IQGAP2: variants seen among roughly 807,000 people sequenced by gnomAD.
IQGAP2 encodes the protein ras GTPase-activating-like protein IQGAP2.
IQGAP2 carries 173 observed loss-of-function variants against 201.3 expected under a neutral mutation model. That is an observed-to-expected ratio of 0.86 (90% CI 0.76 to 0.98). The LOEUF (loss-of-function observed/expected upper bound fraction) is 0.98. Among genes scored for constraint, IQGAP2 ranks in the 50% least tolerant of loss-of-function variants. IQGAP2 has a pLI of 0.00. For synonymous variants in IQGAP2, 675 were observed against 673.9 expected (o/e 1.00, Z -0.03); for missense variants, 1,687 against 1,864.8 (o/e 0.90, Z 1.76).
chr5:76,653,403 G>C (rs1752668444), intron 18 of IQGAP2, among the ~76,000 whole-genome samples: 1 of 152,108 alleles, frequency 6.6e-6, no homozygotes. Context: ...CAAGTCTCCA[G>C]CTTGGAAATC....
intron 4 of IQGAP2, among the ~76,000 whole-genome samples, chr5:76,571,258 G>A (rs999307814): frequency 6.6e-6 from 1 of 151,968 alleles, no homozygotes; most frequent in Non-Finnish European, 1.5e-5. Context: ...TACCACCTCC[G>A]CCTCCCATGT....
At chr5:76,602,175 T>C (rs945082725) in intron 11 of IQGAP2, among the ~76,000 whole-genome samples, 2 of 152,228 alleles carry the variant, frequency 1.3e-5, no homozygotes, top group African/African-American at 4.8e-5. Context: ...TTCTCACTTT[T>C]GCTTCTGTAG....
chr5:76,507,525 A>C (rs1052219359), intron 2 of IQGAP2, among the ~76,000 whole-genome samples: 1 of 152,232 alleles, frequency 6.6e-6, no homozygotes, highest in African/African-American at 2.4e-5. Flanking sequence ...CTGTGAAAGA[A>C]AGAATCGATA....
At chr5:76,625,626 G>A (rs776384898) in intron 13 of IQGAP2, among the ~76,000 whole-genome samples, 1 of 152,168 alleles carries the variant, frequency 6.6e-6, no homozygotes. Context: ...TAGCCCAGAT[G>A]TTGCACGATG....
intron 22 of IQGAP2, among the ~76,000 whole-genome samples, chr5:76,667,877 C>CTTTTTTTTTTTTTTTTTTTTTTTTTTTT (rs540744402): frequency 1.6e-4 from 20 of 123,428 alleles, no homozygotes; most frequent in African/African-American, 5.9e-4. Context: ...AGTCCACTTT[C>CTTTTTTTTTTTTTTTTTTTTTTTTTTTT]TTTTTTTTTT....
chr5:76,496,748 T>TCTTTCTTTCTTTCTTTCTTTC (rs1756963852), intron 2 of IQGAP2, among the ~76,000 whole-genome samples: 1 of 61,336 alleles, frequency 1.6e-5, no homozygotes, highest in African/African-American at 9.0e-5. Flanking sequence ...TTTCTTTCTT[T>TCTTTCTTTCTTTCTTTCTTTC]CTTTCTTTCT....
At chr5:76,441,167 T>C (rs1400905520) in intron 1 of IQGAP2, among the ~76,000 whole-genome samples, 1 of 152,226 alleles carries the variant, frequency 6.6e-6, no homozygotes, top group South Asian at 2.1e-4. Context: ...AATAGTACTT[T>C]ATTCACACAG....
intron 4 of IQGAP2, among the ~76,000 whole-genome samples, chr5:76,572,126 A>G (rs1183178684): frequency 6.6e-6 from 1 of 152,074 alleles, no homozygotes; most frequent in East Asian, 1.9e-4. Context: ...GTATCCTTTG[A>G]GTCACATCGT....
intron 12 of IQGAP2, among the ~76,000 whole-genome samples, chr5:76,608,487 G>A (rs184844880): frequency 6.6e-6 from 1 of 152,206 alleles, no homozygotes; most frequent in African/African-American, 2.4e-5. Context: ...TTGTAACCAG[G>A]CAGGAATTGC....
intron 33 of IQGAP2, among the ~76,000 whole-genome samples, chr5:76,700,483 T>C (rs1747272339): frequency 6.6e-6 from 1 of 150,384 alleles, no homozygotes; most frequent in Non-Finnish European, 1.5e-5. Context: ...GCCTGGGCAA[T>C]AGAGCAAGAT....
At chr5:76,607,184 A>C (rs994625235) in intron 12 of IQGAP2, 5 of 152,204 alleles carry the variant, frequency 3.3e-5, no homozygotes, top group Admixed American at 6.5e-5. Flanking sequence ...GTAAGGTCTT[A>C]GGTCTGGTCT....
intron 21 of IQGAP2, chr5:76,659,931 CA>C (rs35439040): frequency 0.74 from 111,063 of 150,380 alleles, 41,627 homozygotes; most frequent in Non-Finnish European, 0.81. Flanking sequence ...CATCAGGGCT[CA>C]AAAAAAAAAA....
intron 2 of IQGAP2, among the ~76,000 whole-genome samples, chr5:76,519,502 C>A (rs541988851): frequency 6.6e-6 from 1 of 152,104 alleles, no homozygotes; most frequent in Non-Finnish European, 1.5e-5. Flanking sequence ...CATAGACATT[C>A]GTATACAGAG....
chr5:76,600,872 C>G lies in IQGAP2; in HGVS notation c.1132C>G (p.Leu378Val), dbSNP rs376410723. The G allele has an allele frequency of 4.7e-5, 76 of 1,613,976 alleles. No homozygotes were observed. Among genetic ancestry groups the G allele is most frequent in the Admixed American group, 1.0e-4 (6 of 59,966 alleles). Residue 378 changes from leucine (L) to valine (V), a missense_variant, in exon 11 of 36, where the codon CTA (leucine) becomes GTA (valine). By Grantham distance (32) the Leu-to-Val change is conservative. Transcript: ENST00000274364. ...GGAAATGTTGTCTGCTGTTGCTTTACTAAACCAGGCCTTGGAAAGCAACGA... is the reference window on the plus strand; with the variant it reads ...GGAAATGTTGTCTGCTGTTGCTTTAGTAAACCAGGCCTTGGAAAGCAACGA... Reference protein sequence around the residue: ...AVEMLSAVALLNQALESNDLV... With the variant: ...AVEMLSAVALVNQALESNDLV...
chr5:76,600,157 A>G (rs1268527870), intron 10 of IQGAP2, among the ~76,000 whole-genome samples: 1 of 152,192 alleles, frequency 6.6e-6, no homozygotes, highest in Non-Finnish European at 1.5e-5. Context: ...TCAAAAAATA[A>G]TAATAATAAA....
intron 2 of IQGAP2, among the ~76,000 whole-genome samples, chr5:76,496,700 GTC>G (rs202238938): frequency 0.013 from 950 of 70,610 alleles, 16 homozygotes; most frequent in Admixed American, 0.026. Context: ...CTTTCTTTCT[GTC>G]TCTTTCTTTC....
chr5:76,510,751 C>T (rs1383434034), intron 2 of IQGAP2: 2 of 496,266 alleles, frequency 4.0e-6, no homozygotes, highest in African/African-American at 3.9e-5. Flanking sequence ...TGGGGGCACC[C>T]ACACCAGACT....
intron 27 of IQGAP2, 192 bp from the exon 28 acceptor site, chr5:76,677,026 G>C (rs921873494): frequency 1.9e-6 from 1 of 538,350 alleles, no homozygotes; most frequent in Admixed American, 3.4e-5. Flanking sequence ...TGAGGAGCTG[G>C]GTCCAATATC....
intron 1 of IQGAP2, among the ~76,000 whole-genome samples, chr5:76,407,954 A>G (rs1306373868): frequency 6.6e-6 from 1 of 152,156 alleles, no homozygotes; most frequent in Non-Finnish European, 1.5e-5. Flanking sequence ...AGCATAGTGA[A>G]ACCTTGTCTC....
Sources: gnomAD v4.1 joint callset for allele counts (sites outside exome capture counted in the v4.1 genomes callset) on GRCh38, gnomAD v4.1.1 for gene constraint, MANE v1.5 for transcripts, NCBI Gene and HGNC (gene_info 2026-07-23, HGNC 2026-07-21) for gene names.